KATNAL1: variants seen among roughly 807,000 people sequenced by gnomAD.
KATNAL1 encodes katanin catalytic subunit A1 like 1.
In KATNAL1, 32 loss-of-function variants were observed where a neutral mutation model predicts 55.2. The ratio of observed to expected loss-of-function variants is 0.58; its 90% CI spans 0.44 to 0.78. The LOEUF is 0.78. Ranked by LOEUF, KATNAL1 falls within the 30% of genes least tolerant of loss-of-function variation. The pLI, the probability that KATNAL1 is intolerant of heterozygous loss-of-function variation, is 0.00. For missense variants in KATNAL1, 466 were observed against 600.9 expected, an observed-to-expected ratio of 0.78 and a Z score of 2.35; for synonymous variants, 193 against 193.6, an observed-to-expected ratio of 1.00 and a Z score of 0.02.
At chr13:30,261,904 AC>A (rs1566113883) in intron 3 of KATNAL1, among the ~76,000 whole-genome samples, 1 of 152,016 alleles carries the variant, frequency 6.6e-6, no homozygotes, top group Non-Finnish European at 1.5e-5. Flanking sequence ...CCCCAAATCA[AC>A]AGAATATACA....
intron 5 of KATNAL1, 130 bp downstream of exon 5, chr13:30,240,829 A>G (rs1877196721): frequency 6.7e-6 from 6 of 889,074 alleles, no homozygotes; most frequent in African/African-American, 5.1e-5. Context: ...TGTCTCGTCA[A>G]TTCTATACTT....
intron 4 of KATNAL1, among the ~76,000 whole-genome samples, chr13:30,242,889 C>T (rs1033465745): frequency 6.6e-6 from 1 of 151,840 alleles, no homozygotes; most frequent in Non-Finnish European, 1.5e-5. Flanking sequence ...TTTGGTTATG[C>T]CAGGAAATCA....
Position 30,202,641 on chromosome 13 carries a change from ACT to A in KATNAL1, c.*5897_*5898del, listed in dbSNP as rs952996886. 4.6e-5 allele frequency: 7 copies of A among 152,164 alleles called. No individual in the cohort carries two copies. The highest frequency in any genetic ancestry group is 1.4e-4 in the African/African-American group (6 of 41,426). The allele number at this position is 152,164 out of a possible 1,614,324, so 9.4% of individuals were successfully genotyped here. A position where few individuals can be genotyped will look rare whatever the true frequency, so the allele number is the denominator to read the frequency against. On this transcript the variant is annotated 3_prime_UTR_variant, in exon 11 of 11. Transcript: ENST00000380615. ...CACAAAGAAAGCGATGACAACCAACACTCTATAAATTTATTACCAAATATAAC... is the reference window on the plus strand; with the variant it reads ...CACAAAGAAAGCGATGACAACCAACACTATAAATTTATTACCAAATATAAC...
chr13:30,270,951 G>A (rs1880306780), intron 3 of KATNAL1, among the ~76,000 whole-genome samples: 2 of 151,408 alleles, frequency 1.3e-5, no homozygotes, highest in Admixed American at 1.3e-4. Flanking sequence ...GAAAAATAAA[G>A]CTGACTAAGG....
intron 9 of KATNAL1, among the ~76,000 whole-genome samples, chr13:30,220,891 G>T (rs1195364776): frequency 1.3e-5 from 2 of 150,638 alleles, no homozygotes; most frequent in Admixed American, 1.3e-4. Flanking sequence ...ATAGAGACAG[G>T]GTTTCTCATA....
At chr13:30,299,394 C>G (rs1040873912) in intron 1 of KATNAL1, among the ~76,000 whole-genome samples, 1 of 152,020 alleles carries the variant, frequency 6.6e-6, no homozygotes, top group Non-Finnish European at 1.5e-5. Context: ...ACATACAACA[C>G]TGAATCAATA....
Position 30,205,000 on chromosome 13 carries a change from TG to T in KATNAL1, c.*3539del, listed in dbSNP as rs1872979090. Reference sequence around the variant, plus strand: ...TAATTTCCTTTAAAAAAAGAAATTATGGGGGCAAAAGGTTTATAGTAAACAT... The same window carrying T: ...TAATTTCCTTTAAAAAAAGAAATTATGGGGCAAAAGGTTTATAGTAAACAT... On this transcript the variant is annotated 3_prime_UTR_variant, in exon 11 of 11. Coordinates refer to ENST00000380615, the MANE Select transcript of KATNAL1 (RefSeq NM_032116.5). 6.6e-6 allele frequency: 1 copy of T among 152,108 alleles called. No homozygotes were observed. Among genetic ancestry groups the T allele is most frequent in the Admixed American group, 6.5e-5 (1 of 15,268 alleles). 9.4% of individuals were successfully genotyped at this position (152,108 alleles called of 1,614,324 possible). A position where few individuals can be genotyped will look rare whatever the true frequency, so the allele number is the denominator to read the frequency against.
intron 7 of KATNAL1, 46 bp downstream of exon 7, chr13:30,231,268 T>G: frequency 6.7e-7 from 1 of 1,482,672 alleles, no homozygotes; most frequent in Non-Finnish European, 9.1e-7. Context: ...GGGGGCATCA[T>G]AGGCCTACAC....
At chr13:30,211,541 A>G (rs948221801) in intron 9 of KATNAL1, among the ~76,000 whole-genome samples, 2 of 152,242 alleles carry the variant, frequency 1.3e-5, no homozygotes, top group Admixed American at 6.5e-5. Flanking sequence ...CATTGCAGTC[A>G]GTTACTATGT....
chr13:30,262,754 G>A (rs1322588738), intron 3 of KATNAL1, among the ~76,000 whole-genome samples: 1 of 151,730 alleles, frequency 6.6e-6, no homozygotes, highest in African/African-American at 2.4e-5. Flanking sequence ...AAGAGTCCAG[G>A]ACCAGATGGA....
chr13:30,208,550 C>A lies in KATNAL1; in HGVS notation c.1463G>T (p.Gly488Val). 6.4e-7 allele frequency: 1 copy of A among 1,566,684 alleles called. No homozygotes were observed. ...AGAGCTGACAGAAATTCAAGCAGAT[C>A]CAAATTCAACCATCCATTTTTCATA... The part of the protein sequence containing the change: ...EKYEKWMVEF[G>V]SA The change falls in exon 11 of 11, where the codon GGA becomes GTA. Residue 488 changes from glycine to valine, a missense_variant. By Grantham distance (109) the Gly-to-Val change is moderately radical. Coordinates refer to ENST00000380615, the MANE Select transcript of KATNAL1 (RefSeq NM_032116.5).
chr13:30,255,586 C>T lies in KATNAL1; in HGVS notation c.353G>A (p.Arg118Gln), dbSNP rs766087444. 9 of 1,533,984 alleles carry T rather than the reference C, an allele frequency of 5.9e-6. No individual in the cohort carries two copies. Among genetic ancestry groups the T allele is most frequent in the Middle Eastern group, 1.7e-4 (1 of 5,786 alleles). ...TTCTTTCCTCAGAGGTCTTACTTCT[C>T]GATTGGGACGCCTGATCTGAGGTGG... The part of the protein sequence containing the change: ...RAPPQIRRPN[R>Q]EVRPLRKEMA... Residue 118 changes from arginine (R) to glutamine (Q), a missense_variant, in exon 4 of 11, where the codon CGA becomes CAA. Physicochemically the swap from Arg to Gln is conservative, Grantham distance 43 (BLOSUM62 1). Coordinates refer to ENST00000380615, the MANE Select transcript of KATNAL1 (RefSeq NM_032116.5).
chr13:30,276,649 A>G (rs1204046448), intron 3 of KATNAL1, among the ~76,000 whole-genome samples: 1 of 152,192 alleles, frequency 6.6e-6, no homozygotes, highest in Non-Finnish European at 1.5e-5. Context: ...TCAAAATTTC[A>G]TTAAGCATTT....
At chr13:30,278,474 TAACTG>T (rs1881032168) in intron 3 of KATNAL1, among the ~76,000 whole-genome samples, 1 of 152,214 alleles carries the variant, frequency 6.6e-6, no homozygotes, top group African/African-American at 2.4e-5. Context: ...GAAAAGAAAA[TAACTG>T]GACTAGTGTC....
rs557414271 is a variant in KATNAL1 at position 30,305,593 on chromosome 13, C to T, written c.-15+1738G>A. 2.6e-5 allele frequency among the ~76,000 whole-genome samples: 4 copies of T among 152,362 alleles called. No individual in the cohort carries two copies. In the East Asian group the frequency reaches 7.7e-4, roughly 29 times the overall value. ...TGAGCAAGGCCTCTAAAGCCTGTTTCCTCATCTCTAAAAATCAGTAACTAC... is the reference window on the plus strand; with the variant it reads ...TGAGCAAGGCCTCTAAAGCCTGTTTTCTCATCTCTAAAAATCAGTAACTAC... On this transcript the variant is annotated intron_variant, in intron 1 of 10. Transcript: ENST00000380615.
chr13:30,241,438 A>G (rs2137425965), intron 4 of KATNAL1, among the ~76,000 whole-genome samples: 1 of 152,338 alleles, frequency 6.6e-6, no homozygotes, highest in African/African-American at 2.4e-5. Context: ...TTAATGTGGA[A>G]GGATCTTTTT....
chr13:30,302,432 A>T (rs1216375715), intron 1 of KATNAL1, among the ~76,000 whole-genome samples: 1 of 143,874 alleles, frequency 7.0e-6, no homozygotes, highest in Non-Finnish European at 1.6e-5. Context: ...CTCTCACAGA[A>T]GTAGGTCAGA....
chr13:30,241,907 A>C (rs1157268876), intron 4 of KATNAL1, among the ~76,000 whole-genome samples: 3 of 152,170 alleles, frequency 2.0e-5, no homozygotes, highest in East Asian at 1.9e-4. Flanking sequence ...TACTTCACCC[A>C]AAAAAATAAA....
chr13:30,293,549 T>C (rs1210971176), intron 1 of KATNAL1, among the ~76,000 whole-genome samples: 1 of 152,206 alleles, frequency 6.6e-6, no homozygotes, highest in Admixed American at 6.5e-5. Context: ...TTTCATACAA[T>C]TAATTCCACT....
Sources: allele counts gnomAD v4.1 joint callset (sites outside exome capture counted in the v4.1 genomes callset), GRCh38; gene constraint gnomAD v4.1.1; transcripts MANE v1.5; gene names NCBI Gene and HGNC (gene_info 2026-07-23, HGNC 2026-07-21).